TGFBR3: variants seen among roughly 807,000 people sequenced by gnomAD.
TGFBR3 encodes transforming growth factor beta receptor 3.
In TGFBR3, 46 loss-of-function variants were observed where a neutral mutation model predicts 87.9. That is an observed-to-expected ratio of 0.52 (90% confidence interval 0.41 to 0.67). The LOEUF is 0.67. Among genes scored for constraint, TGFBR3 ranks in the 30% least tolerant of loss-of-function variants. The pLI, the probability that TGFBR3 is intolerant of heterozygous loss-of-function variation, is 0.00. For synonymous variants in TGFBR3, 381 were observed against 391.6 expected, an observed-to-expected ratio of 0.97 and a Z score of 0.32; for missense variants, 866 against 1,041.9, an observed-to-expected ratio of 0.83 and a Z score of 2.32.
rs746804625 is a variant in TGFBR3, at chr1:91,727,763, C to G, written c.781G>C (p.Glu261Gln). Reference sequence around the variant, plus strand: ...AGATTTTTGACCACTTCAAGATCCTCTTGAGAAGGTCTTATATCAATTGTT... The same window carrying G: ...AGATTTTTGACCACTTCAAGATCCTGTTGAGAAGGTCTTATATCAATTGTT... ...DITIDIRPSQ[E>Q]DLEVVKNLIL... The change falls in exon 7 of 17, where the codon GAG (glutamate) becomes CAG (glutamine). Residue 261 changes from glutamate (E) to glutamine (Q), a missense_variant. Transcript: ENST00000212355. The G allele has an allele frequency of 3.1e-6, 5 of 1,614,046 alleles. No individual in the cohort carries two copies. The Admixed American group carries it at 6.7e-5, about 22-fold the overall frequency.
chr1:91,823,320 C>A (rs915502252), intron 2 of TGFBR3, among the ~76,000 whole-genome samples: 1 of 152,136 alleles, frequency 6.6e-6, no homozygotes, highest in African/African-American at 2.4e-5. Context: ...TGAAGAACTG[C>A]GTGGCAAGTT....
chr1:91,818,278 C>CTT (rs760050197), intron 2 of TGFBR3, among the ~76,000 whole-genome samples: 2 of 32,464 alleles, frequency 6.2e-5, no homozygotes, highest in African/African-American at 2.0e-4. Flanking sequence ...TAGCCCCAGC[C>CTT]TTTTTTTTTT....
At chr1:91,828,294 ACACCCCCGT>A in intron 2 of TGFBR3, among the ~76,000 whole-genome samples, 1 of 152,232 alleles carries the variant, frequency 6.6e-6, no homozygotes, top group East Asian at 1.9e-4. Context: ...CCCTAACTCC[ACACCCCCGT>A]CAATATTTTG....
intron 4 of TGFBR3, among the ~76,000 whole-genome samples, chr1:91,749,877 G>A: frequency 6.6e-6 from 1 of 152,148 alleles, no homozygotes; most frequent in East Asian, 1.9e-4. Flanking sequence ...CAGCTCTCTG[G>A]AGGCTGGCCA....
chr1:91,811,504 T>C (rs56792945), intron 2 of TGFBR3, among the ~76,000 whole-genome samples: 3,992 of 152,230 alleles, frequency 0.026, 182 homozygotes, highest in African/African-American at 0.091. Context: ...AAGCATGTGA[T>C]GGAGTTTGTG....
Position 91,699,896 on chromosome 1 carries a change from C to T in TGFBR3, c.2288-1766G>A, listed in dbSNP as rs572052511. ...TCCTCAGCAGTGAGGCTGAGACCAG[C>T]GGTTGAGATATTATGGTCCACCACC... On this transcript the variant is annotated intron_variant, in intron 14 of 16. Coordinates refer to ENST00000212355, the MANE Select transcript of TGFBR3 (RefSeq NM_003243.5). 4.6e-5 allele frequency among the ~76,000 whole-genome samples: 7 copies of T among 152,272 alleles called. No individual in the cohort carries two copies. The South Asian group carries it at 1.2e-3, about 27-fold the overall frequency.
intron 14 of TGFBR3, among the ~76,000 whole-genome samples, chr1:91,705,462 C>A (rs187951766): frequency 6.6e-6 from 1 of 152,030 alleles, no homozygotes; most frequent in Admixed American, 6.5e-5. Context: ...AACTCCTGAC[C>A]TTGTGATCCA....
chr1:91,837,603 T>C (rs1387286204), intron 2 of TGFBR3, among the ~76,000 whole-genome samples: 1 of 152,188 alleles, frequency 6.6e-6, no homozygotes. Context: ...CAGTGGTATA[T>C]TTAGAACCCA....
At chr1:91,898,125 A>G (rs967162588) in intron 2 of TGFBR3, among the ~76,000 whole-genome samples, 2 of 152,060 alleles carry the variant, frequency 1.3e-5, no homozygotes, top group African/African-American at 4.8e-5. Flanking sequence ...TACAGATACA[A>G]TTGAAGCCCC....
intron 1 of TGFBR3, among the ~76,000 whole-genome samples, chr1:91,866,100 G>GA (rs1213149271): frequency 6.6e-6 from 1 of 152,122 alleles, no homozygotes; most frequent in East Asian, 1.9e-4. Flanking sequence ...AAGATTAGCT[G>GA]AAAAAATCCC....
At chr1:91,763,492 T>C (rs1160331899) in intron 3 of TGFBR3, among the ~76,000 whole-genome samples, 1 of 152,188 alleles carries the variant, frequency 6.6e-6, no homozygotes, top group Non-Finnish European at 1.5e-5. Context: ...ATAATCAGTT[T>C]ACACTAAGAT....
rs146918142 is a variant in TGFBR3 at position 91,819,786 on chromosome 1, T to A, written c.62-22315A>T. 2.6e-5 allele frequency among the ~76,000 whole-genome samples: 4 copies of A among 152,284 alleles called. No individual in the cohort carries two copies. The East Asian group carries it at 5.8e-4, about 22-fold the overall frequency. ...GATGCCCACTCTGCTTCTCTGCTCA[T>A]GCGATGATTTCATTAGTTCAAAGAT... On this transcript the variant is annotated intron_variant, in intron 2 of 16. Transcript: ENST00000212355.
intron 3 of TGFBR3, among the ~76,000 whole-genome samples, chr1:91,785,350 G>A (rs1314538778): frequency 2.6e-5 from 4 of 152,238 alleles, no homozygotes; most frequent in Non-Finnish European, 5.9e-5. Flanking sequence ...GAATGGGAGA[G>A]TGACTGTTAA....
intron 3 of TGFBR3, among the ~76,000 whole-genome samples, chr1:91,790,356 G>C (rs1258379555): frequency 6.6e-6 from 1 of 152,180 alleles, no homozygotes; most frequent in Non-Finnish European, 1.5e-5. Context: ...GCCGAGGTGC[G>C]TAGTAGGACA....
At chr1:91,899,364 C>T (rs558434517) in intron 2 of TGFBR3, among the ~76,000 whole-genome samples, 8 of 152,192 alleles carry the variant, frequency 5.3e-5, no homozygotes, top group South Asian at 4.2e-4. Context: ...AAATTAGCCA[C>T]GTATGGTGGC....
chr1:91,750,308 A>C (rs1010889018), intron 4 of TGFBR3, among the ~76,000 whole-genome samples: 1 of 152,222 alleles, frequency 6.6e-6, no homozygotes, highest in Non-Finnish European at 1.5e-5. Flanking sequence ...GGAGTCTTTC[A>C]AAAACCCCTT....
intron 1 of TGFBR3, among the ~76,000 whole-genome samples, chr1:91,877,991 G>C (rs748476806): frequency 1.2e-4 from 19 of 152,292 alleles, no homozygotes; most frequent in Middle Eastern, 3.4e-3. Context: ...CACACATAGG[G>C]AAGACCTTAC....
intron 12 of TGFBR3, among the ~76,000 whole-genome samples, chr1:91,715,779 A>C (rs1476885417): frequency 2.0e-5 from 3 of 152,200 alleles, no homozygotes; most frequent in Non-Finnish European, 4.4e-5. Context: ...TTAAAAGATA[A>C]CAAGTCAGTT....
intron 1 of TGFBR3, among the ~76,000 whole-genome samples, chr1:91,904,040 G>A (rs1307468990): frequency 6.6e-6 from 1 of 152,054 alleles, no homozygotes; most frequent in Non-Finnish European, 1.5e-5. Context: ...AGCCAGGCCT[G>A]GTGGCGCGTT....
Sources: gnomAD v4.1 joint callset for allele counts (sites outside exome capture counted in the v4.1 genomes callset) on GRCh38, gnomAD v4.1.1 for gene constraint, MANE v1.5 for transcripts, NCBI Gene and HGNC (gene_info 2026-07-23, HGNC 2026-07-21) for gene names.